SRD5A2: variants seen among roughly 807,000 people sequenced by gnomAD.
SRD5A2 encodes 3-oxo-5-alpha-steroid 4-dehydrogenase 2.
Under a neutral mutation model 27.4 loss-of-function variants are expected in SRD5A2, and 30 were observed. The ratio of observed to expected loss-of-function variants is 1.10; its 90% CI spans 0.82 to 1.49. SRD5A2 has a LOEUF of 1.49. SRD5A2 is among the 40% of genes most tolerant of loss of function. The probability of loss-of-function intolerance (pLI) is 0.00; values close to 1 mark genes in which losing one functional copy is unlikely to be tolerated. For missense variants in SRD5A2, 348 were observed against 323.4 expected (o/e 1.08, Z -0.58); for synonymous variants, 141 against 133.6 (o/e 1.06, Z -0.38).
chr2:31,658,944 T>C, the SRD5A2 span, among the ~76,000 whole-genome samples: 2 of 152,010 alleles, frequency 1.3e-5, no homozygotes, highest in African/African-American at 4.8e-5. Flanking sequence ...TATCCCAACA[T>C]AGATGCAAAA....
chr2:31,586,145 C>T, the SRD5A2 span, among the ~76,000 whole-genome samples: 1 of 152,128 alleles, frequency 6.6e-6, no homozygotes, highest in Non-Finnish European at 1.5e-5. Context: ...GTGCCCATCA[C>T]CCAAGCGGTG....
the SRD5A2 span, among the ~76,000 whole-genome samples, chr2:31,597,504 C>T: frequency 2.0e-5 from 3 of 152,020 alleles, no homozygotes; most frequent in Non-Finnish European, 4.4e-5. Flanking sequence ...AAACAATCAG[C>T]AGAGTAAACA....
intron 1 of SRD5A2, among the ~76,000 whole-genome samples, chr2:31,554,615 A>G (rs1366835466): frequency 1.3e-5 from 2 of 152,214 alleles, no homozygotes; most frequent in Admixed American, 1.3e-4. Context: ...CATGTTGAGA[A>G]TGATCACACA....
the SRD5A2 span, among the ~76,000 whole-genome samples, chr2:31,593,569 T>C: frequency 6.6e-6 from 1 of 152,152 alleles, no homozygotes; most frequent in Non-Finnish European, 1.5e-5. Context: ...TAAGAATAAT[T>C]GGTGTTCTTT....
the SRD5A2 span, among the ~76,000 whole-genome samples, chr2:31,638,351 C>T: frequency 1.3e-5 from 2 of 152,092 alleles, no homozygotes; most frequent in East Asian, 1.9e-4. Flanking sequence ...GTCTAAGATA[C>T]GGTCTATTCT....
chr2:31,605,499 C>T, the SRD5A2 span, among the ~76,000 whole-genome samples: 1 of 146,372 alleles, frequency 6.8e-6, no homozygotes, highest in African/African-American at 2.6e-5. Context: ...TGAATAGACA[C>T]TTCTCAAAAT....
At chr2:31,578,020 C>A (rs1200207383) in intron 1 of SRD5A2, among the ~76,000 whole-genome samples, 1 of 151,986 alleles carries the variant, frequency 6.6e-6, no homozygotes, top group Admixed American at 6.5e-5. Flanking sequence ...ATTAAGAAAT[C>A]TGTGATAATG....
At chr2:31,607,336 C>A in the SRD5A2 span, among the ~76,000 whole-genome samples, 20 of 152,012 alleles carry the variant, frequency 1.3e-4, no homozygotes, top group African/African-American at 4.6e-4. Flanking sequence ...GAAGCCCACA[C>A]TGAAGCACGT....
chr2:31,576,173 G>T (rs958053805), intron 1 of SRD5A2, among the ~76,000 whole-genome samples: 1 of 128,838 alleles, frequency 7.8e-6, no homozygotes, highest in Non-Finnish European at 1.6e-5. Flanking sequence ...AAGAGCTTCT[G>T]CACAGCAAAA....
intron 4 of SRD5A2, chr2:31,526,858 A>G (rs1486779585): frequency 6.5e-6 from 1 of 153,462 alleles, no homozygotes; most frequent in African/African-American, 2.4e-5. Context: ...TGAGGTCATA[A>G]TGGAGCAGGG....
At chr2:31,588,290 A>C in the SRD5A2 span, among the ~76,000 whole-genome samples, 1 of 133,920 alleles carries the variant, frequency 7.5e-6, no homozygotes, top group Non-Finnish European at 1.6e-5. Flanking sequence ...AAGCAGATTC[A>C]ACCCAAAAGA....
chr2:31,529,520 C>A (rs1203383613), intron 3 of SRD5A2, 63 bp from the exon 4 acceptor site: 3 of 1,573,316 alleles, frequency 1.9e-6, no homozygotes, highest in Non-Finnish European at 2.6e-6. Context: ...TTAAACCCAT[C>A]TGTGTTGTTC....
chr2:31,624,020 G>A, the SRD5A2 span, among the ~76,000 whole-genome samples: 1 of 151,968 alleles, frequency 6.6e-6, no homozygotes, highest in Non-Finnish European at 1.5e-5. Flanking sequence ...TTTTATTGAG[G>A]ATTTTTGCAT....
At chr2:31,618,126 T>C in the SRD5A2 span, among the ~76,000 whole-genome samples, 2 of 152,138 alleles carry the variant, frequency 1.3e-5, no homozygotes, top group African/African-American at 2.4e-5. Context: ...AGTAAGGTGT[T>C]ACATGGCAGC....
the SRD5A2 span, among the ~76,000 whole-genome samples, chr2:31,620,019 C>A: frequency 6.6e-6 from 1 of 152,046 alleles, no homozygotes; most frequent in African/African-American, 2.4e-5. Flanking sequence ...TTGTCAGTGC[C>A]TATGTCCTGA....
At chr2:31,555,446 A>G (rs2148083152) in intron 1 of SRD5A2, among the ~76,000 whole-genome samples, 1 of 152,210 alleles carries the variant, frequency 6.6e-6, no homozygotes, top group South Asian at 2.1e-4. Flanking sequence ...AACCCAACAA[A>G]TCTCGGTAAG....
chr2:31,654,125 C>A, the SRD5A2 span, among the ~76,000 whole-genome samples: 1 of 149,412 alleles, frequency 6.7e-6, no homozygotes, highest in African/African-American at 2.5e-5. Flanking sequence ...TCATAATGTG[C>A]CAGCAAAAAC....
At chr2:31,537,531 C>T (rs1390872655) in intron 1 of SRD5A2, among the ~76,000 whole-genome samples, 3 of 152,180 alleles carry the variant, frequency 2.0e-5, no homozygotes, top group African/African-American at 7.2e-5. Context: ...CAGCACACCA[C>T]ACTCTCTTGG....
the SRD5A2 span, among the ~76,000 whole-genome samples, chr2:31,610,660 T>TA: frequency 6.6e-6 from 1 of 152,086 alleles, no homozygotes; most frequent in Non-Finnish European, 1.5e-5. Flanking sequence ...GAAAAAGAAA[T>TA]AAAAAGCATT....
Sources: gnomAD v4.1 joint callset for allele counts (sites outside exome capture counted in the v4.1 genomes callset) on GRCh38, gnomAD v4.1.1 for gene constraint, MANE v1.5 for transcripts, NCBI Gene and HGNC (gene_info 2026-07-23, HGNC 2026-07-21) for gene names.